Variants in BORCS5 observed in about 807,000 individuals in gnomAD.
BORCS5 encodes the protein BLOC-1-related complex subunit 5.
In BORCS5, 17 loss-of-function variants were observed where a neutral mutation model predicts 22.1. That is an observed-to-expected ratio of 0.77 (90% CI 0.53 to 1.15). The LOEUF is 1.15. Among genes scored for constraint, BORCS5 ranks in the 50% most tolerant of loss-of-function variants. The probability of loss-of-function intolerance (pLI) is 0.00; values close to 1 mark genes in which losing one functional copy is unlikely to be tolerated. For synonymous variants in BORCS5, 117 were observed against 99.8 expected (o/e 1.17, Z -1.03); for missense variants, 247 against 253.2 (o/e 0.98, Z 0.17).
chr12:12,462,802 G>A (rs926467730), intron 3 of BORCS5, among the ~76,000 whole-genome samples: 1 of 152,060 alleles, frequency 6.6e-6, no homozygotes, highest in Non-Finnish European at 1.5e-5. Flanking sequence ...GACTATAGGC[G>A]CACACTGCCA....
At chr12:12,359,690 G>T (rs1470315890) in intron 1 of BORCS5, among the ~76,000 whole-genome samples, 1 of 146,606 alleles carries the variant, frequency 6.8e-6, no homozygotes, top group African/African-American at 2.5e-5. Flanking sequence ...AAAAAAAAGA[G>T]TGAGGAGGCT....
At chr12:12,440,615 A>AC (rs1311829743) in intron 3 of BORCS5, among the ~76,000 whole-genome samples, 2 of 151,702 alleles carry the variant, frequency 1.3e-5, no homozygotes, top group South Asian at 2.1e-4. Context: ...GAAAAAAAAA[A>AC]AAAAACCAGG....
At chr12:12,405,951 A>G (rs912138706) in intron 2 of BORCS5, among the ~76,000 whole-genome samples, 7 of 152,254 alleles carry the variant, frequency 4.6e-5, no homozygotes, top group African/African-American at 1.7e-4. Flanking sequence ...GCCAAGTAAA[A>G]TGGCCAAGAT....
At chr12:12,464,543 C>T (rs971276514) in intron 3 of BORCS5, among the ~76,000 whole-genome samples, 1 of 152,030 alleles carries the variant, frequency 6.6e-6, no homozygotes, top group Non-Finnish European at 1.5e-5. Flanking sequence ...AGCCTGGGAA[C>T]CTTGGGATAG....
intron 2 of BORCS5, among the ~76,000 whole-genome samples, chr12:12,395,090 G>C (rs1431021211): frequency 1.3e-5 from 2 of 151,872 alleles, no homozygotes; most frequent in East Asian, 3.9e-4. Context: ...GTGGGGTTTT[G>C]GTGTGATGTG....
At position 12,399,215 on chromosome 12, in the gene BORCS5, A is replaced by G. The variant is rs73283433; in HGVS notation, c.203-36413A>G. On this transcript the variant is annotated intron_variant, in intron 2 of 3. Coordinates refer to ENST00000314565, the MANE Select transcript of BORCS5 (RefSeq NM_058169.6). ...TTATACTGTAGCATAGGTTTCATTC[A>G]ACCTATCACTCCTATTCACTCCTCA... Among the ~76,000 whole-genome samples, 943 of 152,264 alleles carry G rather than the reference A, an allele frequency of 6.2e-3. 14 individuals are homozygous for G. Among genetic ancestry groups the G allele is most frequent in the African/African-American group, 0.022 (899 of 41,540 alleles).
chr12:12,427,048 G>C (rs1942303253), intron 2 of BORCS5, among the ~76,000 whole-genome samples: 1 of 151,938 alleles, frequency 6.6e-6, no homozygotes, highest in African/African-American at 2.4e-5. Context: ...GGGGATAAAT[G>C]TTCTGAAGGA....
intron 1 of BORCS5, among the ~76,000 whole-genome samples, chr12:12,357,820 T>A (rs1426852249): frequency 6.6e-6 from 1 of 152,218 alleles, no homozygotes; most frequent in African/African-American, 2.4e-5. Flanking sequence ...TCATGGCTGA[T>A]GTAGTGAGAT....
chr12:12,444,369 T>C (rs551908883), intron 3 of BORCS5, among the ~76,000 whole-genome samples: 1 of 152,350 alleles, frequency 6.6e-6, no homozygotes, highest in African/African-American at 2.4e-5. Context: ...GTTCAGGGAC[T>C]CAGTTTCCTT....
At chr12:12,382,534 C>CTT (rs199692677) in intron 2 of BORCS5, among the ~76,000 whole-genome samples, 63 of 132,480 alleles carry the variant, frequency 4.8e-4, no homozygotes, top group Middle Eastern at 8.2e-3. Context: ...TGGTATATAT[C>CTT]TTTTTTTTTT....
intron 2 of BORCS5, among the ~76,000 whole-genome samples, chr12:12,367,902 T>C (rs1052922961): frequency 6.6e-6 from 1 of 152,238 alleles, no homozygotes; most frequent in Non-Finnish European, 1.5e-5. Flanking sequence ...TTTCCTCTTG[T>C]TCAGATATAC....
Position 12,470,348 on chromosome 12 carries a change from G to A in BORCS5, c.*4572G>A, listed in dbSNP as rs1181820627. The stretch of plus-strand genomic sequence containing the variant: ...CTCCCAAAGTACTGGGATTACAGGC[G>A]TGAGCCACTGCACCTGGCCAGCTTC... On this transcript the variant is annotated 3_prime_UTR_variant, in exon 4 of 4. Coordinates refer to ENST00000314565, the MANE Select transcript of BORCS5 (RefSeq NM_058169.6). 2.0e-5 allele frequency among the ~76,000 whole-genome samples: 3 copies of A among 152,166 alleles called. No homozygotes were observed. The highest frequency in any genetic ancestry group is 2.4e-5 in the African/African-American group (1 of 41,432).
rs773394674 is a variant in BORCS5 at position 12,468,784 on chromosome 12, C to T, written c.*3008C>T. On this transcript the variant is annotated 3_prime_UTR_variant, in exon 4 of 4. Coordinates refer to ENST00000314565, the MANE Select transcript of BORCS5 (RefSeq NM_058169.6). ...TGTTGATGAACACAGTCAAATAGGCCTCTATGTGCAGTCTCCTGGTTTCCC... is the reference window on the plus strand; with the variant it reads ...TGTTGATGAACACAGTCAAATAGGCTTCTATGTGCAGTCTCCTGGTTTCCC... 1 of 152,152 alleles carries T rather than the reference C, an allele frequency of 6.6e-6. No homozygotes were observed. The highest frequency in any genetic ancestry group is 1.5e-5 in the Non-Finnish European group (1 of 68,030). 9.4% of individuals were successfully genotyped at this position (152,152 alleles called of 1,614,324 possible).
At chr12:12,415,168 A>G (rs988144126) in intron 2 of BORCS5, among the ~76,000 whole-genome samples, 4 of 151,774 alleles carry the variant, frequency 2.6e-5, no homozygotes, top group African/African-American at 7.2e-5. Flanking sequence ...AGAGGCTGCA[A>G]TCTCGGCACT....
Position 12,357,095 on chromosome 12 carries a change from A to G in BORCS5, c.-357A>G. On this transcript the variant is annotated 5_prime_UTR_variant, in exon 1 of 4. Transcript: ENST00000314565. ...CACCGCCCATCTGCGTCCCGGAAGGAGCGAGCTTGCGGAGCGTGAACCAGT... is the reference window on the plus strand; with the variant it reads ...CACCGCCCATCTGCGTCCCGGAAGGGGCGAGCTTGCGGAGCGTGAACCAGT... 6.5e-7 allele frequency: 1 copy of G among 1,534,444 alleles called. No individual in the cohort carries two copies.
At chr12:12,409,880 C>T (rs1487151566) in intron 2 of BORCS5, among the ~76,000 whole-genome samples, 1 of 152,200 alleles carries the variant, frequency 6.6e-6, no homozygotes, top group African/African-American at 2.4e-5. Context: ...TCCACACCCT[C>T]TCCAGCACCT....
chr12:12,423,453 T>G (rs1180890564), intron 2 of BORCS5, among the ~76,000 whole-genome samples: 4 of 147,208 alleles, frequency 2.7e-5, no homozygotes, highest in Non-Finnish European at 6.0e-5. Flanking sequence ...TTTTTTTTTT[T>G]TTTTTTTTTT....
At chr12:12,400,279 TC>T (rs1452828283) in intron 2 of BORCS5, among the ~76,000 whole-genome samples, 1 of 152,218 alleles carries the variant, frequency 6.6e-6, no homozygotes, top group African/African-American at 2.4e-5. Flanking sequence ...AGCCAATGTT[TC>T]ACGCTCTCTC....
intron 2 of BORCS5, among the ~76,000 whole-genome samples, chr12:12,382,187 T>C (rs1863788072): frequency 6.6e-6 from 1 of 151,496 alleles, no homozygotes; most frequent in Admixed American, 6.6e-5. Context: ...ATAAGAAGTG[T>C]GGCACCAGCA....
Sources: gnomAD v4.1 joint callset for allele counts (sites outside exome capture counted in the v4.1 genomes callset) on GRCh38, gnomAD v4.1.1 for gene constraint, MANE v1.5 for transcripts, NCBI Gene and HGNC (gene_info 2026-07-23, HGNC 2026-07-21) for gene names.